Variants in EPHB1 observed in about 807,000 individuals in gnomAD.
EPHB1 encodes the protein EPH receptor B1, also known as ephrin type-B receptor 1.
A neutral mutation model predicts 94.4 loss-of-function variants in EPHB1; 30 were observed. That is an observed-to-expected ratio of 0.32 (90% CI 0.24 to 0.43). The LOEUF (loss-of-function observed/expected upper bound fraction) is 0.43. EPHB1 is among the 20% of genes least tolerant of loss of function. The pLI, the probability that EPHB1 is intolerant of heterozygous loss-of-function variation, is 1.00. For missense variants in EPHB1, 1,055 were observed against 1,308.3 expected (o/e 0.81, Z 2.99); for synonymous variants, 522 against 489.1 (o/e 1.07, Z -0.89).
At chr3:134,929,502 T>C (rs1035936056) in intron 2 of EPHB1, among the ~76,000 whole-genome samples, 3 of 152,168 alleles carry the variant, frequency 2.0e-5, no homozygotes, top group African/African-American at 7.2e-5. Flanking sequence ...AGCTGTGGCA[T>C]TGGGATCATC....
Position 135,201,455 on chromosome 3 carries a change from C to T in EPHB1, c.2131-19C>T. ...TTGAAGCCCGTCTTGATCCCAATGC[C>T]CTCTATGTCTTATTACAGCAAAATG... On this transcript the variant is annotated intron_variant, in intron 11 of 15. Coordinates refer to ENST00000398015, the MANE Select transcript of EPHB1 (RefSeq NM_004441.5). 1 of 1,613,274 alleles carries T rather than the reference C, an allele frequency of 6.2e-7. No homozygotes were observed. The highest frequency in any genetic ancestry group is 8.5e-7 in the Non-Finnish European group (1 of 1,179,478).
At chr3:134,840,477 T>C (rs926797271) in intron 1 of EPHB1, 1 of 152,136 alleles carries the variant, frequency 6.6e-6, no homozygotes, top group African/African-American at 2.4e-5. Context: ...CCAAATAAAA[T>C]CAATCTGGCT....
chr3:134,877,780 C>A (rs1050276667), intron 1 of EPHB1, among the ~76,000 whole-genome samples: 3 of 152,124 alleles, frequency 2.0e-5, no homozygotes, highest in African/African-American at 7.2e-5. Context: ...CTGTCATACC[C>A]GTGGTTTCGG....
chr3:134,998,225 C>T (rs1458171649), intron 3 of EPHB1, among the ~76,000 whole-genome samples: 1 of 152,212 alleles, frequency 6.6e-6, no homozygotes, highest in Admixed American at 6.5e-5. Flanking sequence ...TACCCCCTCT[C>T]ACAGAGTGCT....
intron 5 of EPHB1, among the ~76,000 whole-genome samples, chr3:135,139,710 G>A (rs904122981): frequency 2.6e-5 from 4 of 152,184 alleles, no homozygotes; most frequent in Admixed American, 2.0e-4. Flanking sequence ...TGGGCTCTTG[G>A]TACCACCCTC....
rs185037890 is a variant in EPHB1, at chr3:135,191,185, C to T, written c.1883-1391C>T. Among the ~76,000 whole-genome samples the T allele has an allele frequency of 1.1e-3, 163 of 152,094 alleles. 1 individual carries two copies. The highest frequency in any genetic ancestry group is 3.6e-3 in the African/African-American group (148 of 41,510). On this transcript the variant is annotated intron_variant, in intron 10 of 15. Transcript: ENST00000398015. Reference sequence around the variant, plus strand: ...GAAGGAAGGAAAAAGAACAGCCCCCCCAAAACACATAGTGTTGTAAATGAT... The same window carrying T: ...GAAGGAAGGAAAAAGAACAGCCCCCTCAAAACACATAGTGTTGTAAATGAT...
chr3:134,977,903 G>A, intron 3 of EPHB1: 2 of 450,340 alleles, frequency 4.4e-6, no homozygotes, highest in Admixed American at 2.4e-5. Flanking sequence ...GGTTCTACCT[G>A]TGAAGGAGAG....
intron 3 of EPHB1, among the ~76,000 whole-genome samples, chr3:135,093,209 G>T (rs900012391): frequency 6.6e-6 from 1 of 152,156 alleles, no homozygotes; most frequent in African/African-American, 2.4e-5. Flanking sequence ...ACACTAACAT[G>T]AGTGAGGAGG....
intron 4 of EPHB1, among the ~76,000 whole-genome samples, chr3:135,115,889 T>G (rs1212468196): frequency 1.3e-5 from 2 of 152,182 alleles, no homozygotes; most frequent in African/African-American, 4.8e-5. Flanking sequence ...GTTTAAGAAG[T>G]GGGTTTTGAG....
chr3:135,030,212 C>T (rs1396191680), intron 3 of EPHB1, among the ~76,000 whole-genome samples: 1 of 152,174 alleles, frequency 6.6e-6, no homozygotes, highest in Non-Finnish European at 1.5e-5. Context: ...CTGAAGCCTT[C>T]TTCTCTCAGC....
intron 3 of EPHB1, among the ~76,000 whole-genome samples, chr3:135,004,568 C>T (rs980426960): frequency 1.3e-5 from 2 of 152,022 alleles, no homozygotes; most frequent in African/African-American, 4.8e-5. Context: ...CAACTTGGTT[C>T]CATTCTCCCC....
intron 3 of EPHB1, among the ~76,000 whole-genome samples, chr3:135,007,486 G>T (rs1217327798): frequency 6.6e-6 from 1 of 152,132 alleles, no homozygotes; most frequent in Non-Finnish European, 1.5e-5. Flanking sequence ...TCCAGTCACT[G>T]TTGTTCGTAT....
intron 3 of EPHB1, among the ~76,000 whole-genome samples, chr3:135,068,655 T>TG (rs56969682): frequency 0.018 from 2,767 of 150,696 alleles, 90 homozygotes; most frequent in African/African-American, 0.065. Context: ...TAATTTTTTT[T>TG]TTTTTGTTTT....
At chr3:135,169,338 G>A (rs1941741358) in intron 9 of EPHB1, among the ~76,000 whole-genome samples, 1 of 152,086 alleles carries the variant, frequency 6.6e-6, no homozygotes, top group Non-Finnish European at 1.5e-5. Flanking sequence ...TGTGGGTCTG[G>A]GTTCACTCCC....
At chr3:134,839,505 G>A (rs555981535) in intron 1 of EPHB1, among the ~76,000 whole-genome samples, 2 of 152,276 alleles carry the variant, frequency 1.3e-5, no homozygotes, top group East Asian at 3.9e-4. Context: ...CAGGTTAAAA[G>A]GCAGAGGGGT....
chr3:134,811,799 T>C (rs976499908), intron 1 of EPHB1, among the ~76,000 whole-genome samples: 1 of 152,232 alleles, frequency 6.6e-6, no homozygotes, highest in African/African-American at 2.4e-5. Context: ...CTTTGCACCA[T>C]CTATCTTTTC....
intron 1 of EPHB1, among the ~76,000 whole-genome samples, chr3:134,843,543 G>A (rs544983677): frequency 6.6e-6 from 1 of 152,072 alleles, no homozygotes; most frequent in Non-Finnish European, 1.5e-5. Flanking sequence ...GTTAATCAAT[G>A]GATTTCTGAG....
chr3:134,963,135 CTCCTTCCTTCCT>C (rs59384593), intron 3 of EPHB1, among the ~76,000 whole-genome samples: 20,407 of 136,988 alleles, frequency 0.15, 2,554 homozygotes, highest in African/African-American at 0.34. Flanking sequence ...CCTTCTCTTG[CTCCTTCCTTCCT>C]TCCTTCCTTC....
chr3:134,800,444 A>AG (rs1374417430), intron 1 of EPHB1, among the ~76,000 whole-genome samples: 5 of 152,212 alleles, frequency 3.3e-5, no homozygotes, highest in Admixed American at 6.5e-5. Context: ...AAGCCCAAAG[A>AG]GGGGAATACC....
Sources: allele counts gnomAD v4.1 joint callset (sites outside exome capture counted in the v4.1 genomes callset), GRCh38; gene constraint gnomAD v4.1.1; transcripts MANE v1.5; gene names NCBI Gene and HGNC (gene_info 2026-07-23, HGNC 2026-07-21).